Variants in MMP21 observed in about 807,000 individuals in gnomAD.
MMP21 encodes the protein matrix metalloproteinase-21.
In MMP21, 40 loss-of-function variants were observed where a neutral mutation model predicts 47.8. The ratio of observed to expected loss-of-function variants is 0.84; its 90% CI spans 0.65 to 1.09. The LOEUF (loss-of-function observed/expected upper bound fraction) is 1.09. MMP21 is among the 50% of genes least tolerant of loss of function. The pLI is 0.00. For synonymous variants in MMP21, 341 were observed against 318.0 expected (o/e 1.07, Z -0.77); for missense variants, 747 against 775.3 (o/e 0.96, Z 0.43).
At chr10:125,767,504 T>C in intron 6 of MMP21, 28 bp downstream of exon 6, 1 of 1,602,772 alleles carries the variant, frequency 6.2e-7, no homozygotes, top group South Asian at 1.1e-5. Flanking sequence ...GACAGAAGCA[T>C]TGCTAGGCTG....
chr10:125,774,351 T>G lies in MMP21; in HGVS notation c.177A>C (p.Arg59Ser), dbSNP rs1392933838. Residue 59 changes from arginine to serine, a missense_variant, in exon 2 of 7, where the codon AGA becomes AGC. Transcript: ENST00000368808. ...CCGCCCACACCCCTGACCAGCCGTA[T>G]CTGGACAGGAACCGCTGTGGGAGAG... ...DLHAAQRFLS[R>S]YGWSGVWAAW... The G allele has an allele frequency of 7.3e-7, 1 of 1,378,126 alleles. No individual in the cohort carries two copies. The allele number at this position is 1,378,126 out of a possible 1,614,324, so 85.4% of individuals were successfully genotyped here.
intron 4 of MMP21, 130 bp from the exon 5 acceptor site, chr10:125,770,721 C>G: frequency 1.9e-6 from 2 of 1,032,286 alleles, no homozygotes; most frequent in South Asian, 3.4e-5. Flanking sequence ...AGCAAGACAC[C>G]ATGTAAGGCT....
intron 1 of MMP21, 43 bp downstream of exon 1, chr10:125,775,617 G>A (rs1271365292): frequency 1.1e-5 from 17 of 1,544,488 alleles, no homozygotes; most frequent in Non-Finnish European, 1.5e-5. Flanking sequence ...GTGTGCACGT[G>A]CACGGGCCTG....
Position 125,774,049 on chromosome 10 carries a change from C to T in MMP21, c.479G>A (p.Arg160Gln), listed in dbSNP as rs1490532795. 2.1e-6 allele frequency: 3 copies of T among 1,463,234 alleles called. No individual in the cohort carries two copies. Among genetic ancestry groups the T allele is most frequent in the Admixed American group, 2.4e-5 (1 of 41,530 alleles). The allele number at this position is 1,463,234 out of a possible 1,614,324, so 90.6% of individuals were successfully genotyped here. Reference protein sequence around the residue: ...LSLSRRGWQPRGYPDGGAAQA... With the variant: ...LSLSRRGWQPQGYPDGGAAQA... ...GGCAGCTCCGCCGTCGGGGTAGCCC[C>T]GGGGCTGCCAACCCCGCCGGGACAA... The change falls in exon 2 of 7, where the codon CGG becomes CAG. Residue 160 changes from arginine (R) to glutamine (Q), a missense_variant. Coordinates refer to ENST00000368808, the MANE Select transcript of MMP21 (RefSeq NM_147191.1).
At position 125,766,471 on chromosome 10, in the gene MMP21, T is replaced by A. The variant is rs1589890814; in HGVS notation, c.*191A>T. On this transcript the variant is annotated 3_prime_UTR_variant, in exon 7 of 7. Transcript: ENST00000368808. Reference sequence around the variant, plus strand: ...TTTTTTGTTTTTTTAAACCTTTTAGTTTATGAATTATGTTTTGCCTGAGCA... The same window carrying A: ...TTTTTTGTTTTTTTAAACCTTTTAGATTATGAATTATGTTTTGCCTGAGCA... 3.8e-6 allele frequency: 2 copies of A among 522,626 alleles called. No individual in the cohort carries two copies. The highest frequency in any genetic ancestry group is 3.9e-5 in the African/African-American group (2 of 50,956). 32.4% of individuals were successfully genotyped at this position (522,626 alleles called of 1,614,324 possible). A position where few individuals can be genotyped will look rare whatever the true frequency, so the allele number is the denominator to read the frequency against.
At chr10:125,768,527 TGTTCACA>T (rs1368654591) in intron 5 of MMP21, among the ~76,000 whole-genome samples, 2 of 152,232 alleles carry the variant, frequency 1.3e-5, no homozygotes, top group South Asian at 2.1e-4. Flanking sequence ...GATGCTTTGG[TGTTCACA>T]GTTCACAGAA....
Position 125,773,914 on chromosome 10 carries a change from C to T in MMP21, c.614G>A (p.Trp205Ter). ...GAAGTCCAGCGGCGTCACCTCGCTC[C>T]ACATCCTGAAGGCCAGCGCCACAAT... ...RRIVALAFRMWSEVTPLDFRE... is the reference protein window; with the variant it reads ...RRIVALAFRM The change falls in exon 2 of 7, where the codon TGG (tryptophan) becomes TAG (stop). Residue 205 changes from tryptophan to a stop codon, truncating the protein, a stop_gained. Coordinates refer to ENST00000368808, the MANE Select transcript of MMP21 (RefSeq NM_147191.1). LOFTEE classifies it high-confidence loss of function. The surrounding 1 kb of genome is among the most constrained non-coding windows in gnomAD (Gnocchi z 4.8). 1 of 1,584,662 alleles carries T rather than the reference C, an allele frequency of 6.3e-7. No homozygotes were observed. Among genetic ancestry groups the T allele is most frequent in the Non-Finnish European group, 8.5e-7 (1 of 1,172,612 alleles).
In MMP21 at chr10:125,770,407, T is replaced by C. The variant is rs1173482490; in HGVS notation, c.1164A>G (p.Gly388=). 3.1e-6 allele frequency: 5 copies of C among 1,614,106 alleles called. No individual in the cohort carries two copies. Among genetic ancestry groups the C allele is most frequent in the East Asian group, 4.5e-5 (2 of 44,900 alleles). Residue 388 remains glycine (G), a synonymous_variant, in exon 5 of 7, where the codon GGA becomes GGG. Transcript: ENST00000368808. ...DPIQILTGWP[G]IPTHNIDAFV... ...AGGCATCTATGTTGTGTGTTGGGAT[T>C]CCAGGCCAGCCAGTGAGGATTTGGA... is the stretch of plus-strand genomic sequence containing the variant.
Position 125,766,708 on chromosome 10 carries a change from TTC to T in MMP21, c.1662_1663del (p.Lys555ValfsTer3), listed in dbSNP as rs1850390094. On this transcript the variant is annotated frameshift_variant, in exon 7 of 7. Coordinates refer to ENST00000368808, the MANE Select transcript of MMP21 (RefSeq NM_147191.1). LOFTEE classifies it high-confidence loss of function. ...ATGGACGTCACAAACATCAAACCAC[TTC>T]TCTGAAATAAACTTTTTTGGAAATA... is the stretch of plus-strand genomic sequence containing the variant. The T allele has an allele frequency of 5.0e-6, 8 of 1,613,576 alleles. No homozygotes were observed. The East Asian group carries it at 1.8e-4, about 36-fold the overall frequency.
In MMP21 at chr10:125,772,424, C is replaced by T. The variant is rs1374366702; in HGVS notation, c.838-65G>A. 1.9e-5 allele frequency: 31 copies of T among 1,599,744 alleles called. No homozygotes were observed. Among genetic ancestry groups the T allele is most frequent in the South Asian group, 1.1e-4 (10 of 89,826 alleles). ...GGGCGATGGATCCCTGCATAACAGA[C>T]GCAGGCCTGTGCTTCGAGAGGAGCG... On this transcript the variant is annotated intron_variant, in intron 3 of 6. Transcript: ENST00000368808. This position sits in a 1 kb window ranked among gnomAD's most constrained non-coding sequence, Gnocchi z 5.6.
At position 125,770,594 on chromosome 10, in the gene MMP21, T is replaced by TA. The variant is rs763088203; in HGVS notation, c.980-4dup. 105 of 1,610,508 alleles carry TA rather than the reference T, an allele frequency of 6.5e-5. No individual in the cohort carries two copies. Among genetic ancestry groups the TA allele is most frequent in the Middle Eastern group, 3.3e-4 (2 of 6,036 alleles). On this transcript the variant is annotated splice_polypyrimidine_tract_variant and splice_region_variant and intron_variant, in intron 4 of 6. Coordinates refer to ENST00000368808, the MANE Select transcript of MMP21 (RefSeq NM_147191.1). ...ATCAAATGATCCCTCACAGGAGCCT[T>TA]AAAAAAACAAACAAAAAACAGCCAC...
Position 125,769,575 on chromosome 10 carries a change from G to C in MMP21, c.1237+759C>G, listed in dbSNP as rs28381305. Among the ~76,000 whole-genome samples the C allele has an allele frequency of 3.3e-3, 496 of 152,308 alleles. 2 individuals are homozygous for C. The highest frequency in any genetic ancestry group is 0.011 in the African/African-American group (473 of 41,556). ...CCCTCATCCACTCTCCATTCTGGGT[G>C]CCTTTTTCTGGGCATCCCAGATCCC... On this transcript the variant is annotated intron_variant, in intron 5 of 6. Transcript: ENST00000368808.
chr10:125,769,032 A>G (rs1168048053), intron 5 of MMP21, among the ~76,000 whole-genome samples: 1 of 152,220 alleles, frequency 6.6e-6, no homozygotes, highest in Admixed American at 6.5e-5. Context: ...TTAAAGCCCT[A>G]TGGTTATATT....
rs753462694 is a variant in MMP21 at position 125,770,354 on chromosome 10, T to G, written c.1217A>C (p.Asp406Ala). 3.7e-6 allele frequency: 6 copies of G among 1,614,152 alleles called. No homozygotes were observed. The South Asian group carries it at 6.6e-5, about 18-fold the overall frequency. ...TGTACCTTGAAAAAAATAACGTTCATCTCTTTTCCATGTCCAGATGTGAAC... is the reference window on the plus strand; with the variant it reads ...TGTACCTTGAAAAAAATAACGTTCAGCTCTTTTCCATGTCCAGATGTGAAC... ...AFVHIWTWKR[D>A]ERYFFQGNQY... The change falls in exon 5 of 7, where the codon GAT becomes GCT. Residue 406 changes from aspartate to alanine, a missense_variant. Coordinates refer to ENST00000368808, the MANE Select transcript of MMP21 (RefSeq NM_147191.1).
intron 5 of MMP21, among the ~76,000 whole-genome samples, chr10:125,769,729 T>C (rs915683059): frequency 6.6e-6 from 1 of 151,572 alleles, no homozygotes. Flanking sequence ...GTCCAAGGTA[T>C]TTTTTTTTCC....
In MMP21 at chr10:125,774,149, G is replaced by C. The variant is rs1178594950; in HGVS notation, c.379C>G (p.Pro127Ala). ...CGVPDMRPPP[P>A]SAPPSPPGPP... ...CCCGGGGGCGAAGGCGGGGCGGAGG[G>C]GGGCGGTGGGCGCATGTCCGGGACC... Residue 127 changes from proline to alanine, a missense_variant, in exon 2 of 7, where the codon CCC becomes GCC. Coordinates refer to ENST00000368808, the MANE Select transcript of MMP21 (RefSeq NM_147191.1). 1 of 1,278,828 alleles carries C rather than the reference G, an allele frequency of 7.8e-7. No homozygotes were observed. Among genetic ancestry groups the C allele is most frequent in the Non-Finnish European group, 9.8e-7 (1 of 1,016,914 alleles). 79.2% of individuals were successfully genotyped at this position (1,278,828 alleles called of 1,614,324 possible).
chr10:125,775,640 T>C lies in MMP21; in HGVS notation c.162+20A>G, dbSNP rs1850508555. The C allele has an allele frequency of 1.3e-6, 2 of 1,586,750 alleles. No individual in the cohort carries two copies. The highest frequency in any genetic ancestry group is 2.7e-5 in the African/African-American group (2 of 73,834). On this transcript the variant is annotated intron_variant, in intron 1 of 6. Coordinates refer to ENST00000368808, the MANE Select transcript of MMP21 (RefSeq NM_147191.1). ...GTGCACGGGCCTGGGGGTATTGCTG[T>C]TCTTCCAGCTTCCTCCTACCTGAGC...
rs373268684 is a variant in MMP21, at chr10:125,773,970, G to A, written c.558C>T (p.Ser186=). The change falls in exon 2 of 7, where the codon AGC becomes AGT. Residue 186 remains serine (S), a synonymous_variant. Coordinates refer to ENST00000368808, the MANE Select transcript of MMP21 (RefSeq NM_147191.1). This position sits in a 1 kb window ranked among gnomAD's most constrained non-coding sequence, Gnocchi z 4.8. ...LSWRLLGEAL[S]SQLSVADQRR... is the part of the protein sequence containing the mutation. Reference sequence around the variant, plus strand: ...GCTGGTCGGCCACGGACAGTTGGCTGCTCAGGGCCTCGCCCAGCAGCCGCC... The same window carrying A: ...GCTGGTCGGCCACGGACAGTTGGCTACTCAGGGCCTCGCCCAGCAGCCGCC... 2.4e-4 allele frequency: 373 copies of A among 1,576,772 alleles called. No homozygotes were observed. The African/African-American group carries it at 4.7e-3, about 20-fold the overall frequency.
At chr10:125,775,527 A>C in intron 1 of MMP21, 133 bp downstream of exon 1, 1 of 1,197,862 alleles carries the variant, frequency 8.3e-7, no homozygotes, top group Non-Finnish European at 1.1e-6. Context: ...CCTCCCTCTC[A>C]GCCCAGCCTG....
Sources: gnomAD v4.1 joint callset for allele counts (sites outside exome capture counted in the v4.1 genomes callset) on GRCh38, gnomAD v4.1.1 for gene constraint, Gnocchi (gnomAD v3.1) non-coding constraint, MANE v1.5 for transcripts, NCBI Gene and HGNC (gene_info 2026-07-23, HGNC 2026-07-21) for gene names.